RYR3: variants seen among roughly 807,000 people sequenced by gnomAD.
RYR3 encodes ryanodine receptor 3.
A neutral mutation model predicts 584.3 loss-of-function variants in RYR3; 207 were observed. The observed-to-expected ratio is 0.35, with a 90% CI of 0.32 to 0.40. The LOEUF (loss-of-function observed/expected upper bound fraction) is 0.40, where lower values mean the gene tolerates loss of function less well. Among genes scored for constraint, RYR3 ranks in the 10% least tolerant of loss-of-function variants. The pLI is 1.00. For missense variants in RYR3, 5,616 were observed against 6,089.2 expected, an observed-to-expected ratio of 0.92 and a Z score of 2.59; for synonymous variants, 2,416 against 2,248.5, an observed-to-expected ratio of 1.07 and a Z score of -2.11.
chr15:33,723,284 G>T (rs1334660702), intron 44 of RYR3, among the ~76,000 whole-genome samples: 2 of 152,176 alleles, frequency 1.3e-5, no homozygotes. Context: ...TGTAAAAACA[G>T]ATAGTGCCTC....
chr15:33,688,401 G>T (rs11072608), intron 38 of RYR3, among the ~76,000 whole-genome samples: 1 of 151,336 alleles, frequency 6.6e-6, no homozygotes, highest in Non-Finnish European at 1.5e-5. Context: ...GTGAAACCCC[G>T]TCTCTACTAA....
intron 43 of RYR3, among the ~76,000 whole-genome samples, chr15:33,715,543 G>GT (rs770642825): frequency 6.6e-6 from 1 of 152,166 alleles, no homozygotes; most frequent in Non-Finnish European, 1.5e-5. Context: ...TTACACCTTT[G>GT]TACTAACTGT....
intron 38 of RYR3, among the ~76,000 whole-genome samples, chr15:33,676,583 A>G (rs181946899): frequency 1.3e-5 from 2 of 152,352 alleles, no homozygotes; most frequent in Admixed American, 1.3e-4. Flanking sequence ...GGACATGCAG[A>G]TGGGGTCAGT....
At position 33,327,667 on chromosome 15, in the gene RYR3, T is replaced by G. The variant is rs148471248; in HGVS notation, c.51+16571T>G. 3.3e-5 allele frequency among the ~76,000 whole-genome samples: 5 copies of G among 152,344 alleles called. No individual in the cohort carries two copies. The East Asian group carries it at 9.6e-4, about 29-fold the overall frequency. ...GAAAATCTCCTTTTCTCCACTAGAC[T>G]GAATAGCTCCCTGGAGGGGAAGTTG... On this transcript the variant is annotated intron_variant, in intron 1 of 103. Transcript: ENST00000634891.
chr15:33,337,118 G>A (rs1971215971), intron 1 of RYR3, among the ~76,000 whole-genome samples: 1 of 128,788 alleles, frequency 7.8e-6, no homozygotes, highest in African/African-American at 2.9e-5. Context: ...TAAAAAAAGA[G>A]AAGGCATGAG....
intron 38 of RYR3, among the ~76,000 whole-genome samples, chr15:33,690,045 G>A (rs1436432275): frequency 2.0e-5 from 3 of 152,204 alleles, no homozygotes; most frequent in Non-Finnish European, 4.4e-5. Flanking sequence ...ATTGGTGTAC[G>A]TCCTGAGTCC....
chr15:33,546,074 C>T (rs1465767634), intron 8 of RYR3, among the ~76,000 whole-genome samples: 3 of 152,200 alleles, frequency 2.0e-5, no homozygotes, highest in Non-Finnish European at 4.4e-5. Flanking sequence ...ATACTCCTCT[C>T]CTTGGAATTG....
intron 51 of RYR3, among the ~76,000 whole-genome samples, chr15:33,741,018 G>A (rs1475167813): frequency 1.3e-5 from 2 of 152,256 alleles, no homozygotes; most frequent in African/African-American, 4.8e-5. Flanking sequence ...AAAGGGAACA[G>A]TGCTAAAGAA....
intron 1 of RYR3, among the ~76,000 whole-genome samples, chr15:33,432,697 T>TGTGTGTGTGTG (rs1555469372): frequency 1.2e-4 from 18 of 148,980 alleles, no homozygotes; most frequent in African/African-American, 2.0e-4. Context: ...TGTGTGTGTG[T>TGTGTGTGTGTG]TTAAAGTAGA....
At chr15:33,612,518 A>G (rs1416815066) in intron 18 of RYR3, among the ~76,000 whole-genome samples, 2 of 151,630 alleles carry the variant, frequency 1.3e-5, no homozygotes, top group Non-Finnish European at 2.9e-5. Flanking sequence ...GCGCCACCAC[A>G]CCCGGCTACT....
intron 1 of RYR3, among the ~76,000 whole-genome samples, chr15:33,468,131 A>G (rs2048636432): frequency 6.6e-6 from 1 of 152,208 alleles, no homozygotes; most frequent in East Asian, 1.9e-4. Flanking sequence ...GCTGTGTGGC[A>G]CTGGGCAAGT....
intron 19 of RYR3, among the ~76,000 whole-genome samples, chr15:33,618,696 G>A (rs1345321251): frequency 6.6e-6 from 1 of 152,172 alleles, no homozygotes; most frequent in Non-Finnish European, 1.5e-5. Flanking sequence ...GGAGGAATTC[G>A]ATAGCAGATA....
At chr15:33,612,137 A>G (rs1453317165) in intron 18 of RYR3, among the ~76,000 whole-genome samples, 1 of 152,198 alleles carries the variant, frequency 6.6e-6, no homozygotes, top group Non-Finnish European at 1.5e-5. Context: ...GGTGGTTATA[A>G]TTATTAATAT....
At chr15:33,674,912 GAAA>G (rs10580400) in intron 38 of RYR3, among the ~76,000 whole-genome samples, 51,747 of 137,282 alleles carry the variant, frequency 0.38, 9,942 homozygotes, top group Non-Finnish European at 0.47. Context: ...GGTCAGAATG[GAAA>G]AAAAAAAAAA....
At chr15:33,818,096 T>C (rs1596779761) in intron 75 of RYR3, among the ~76,000 whole-genome samples, 2 of 152,294 alleles carry the variant, frequency 1.3e-5, no homozygotes, top group East Asian at 1.9e-4. Context: ...GAATCTAGAA[T>C]AGTATTAGAC....
intron 2 of RYR3, among the ~76,000 whole-genome samples, chr15:33,481,550 A>C (rs2049967454): frequency 6.6e-6 from 1 of 151,928 alleles, no homozygotes. Context: ...ATGCAATCTC[A>C]GCTCACTGCA....
chr15:33,843,652 GA>G (rs1425214539), intron 92 of RYR3, 78 bp downstream of exon 92: 4 of 1,016,480 alleles, frequency 3.9e-6, no homozygotes, highest in Non-Finnish European at 5.9e-6. Flanking sequence ...AATCATGACA[GA>G]ATTTGTGCTC....
At chr15:33,606,675 C>T (rs557415378) in intron 18 of RYR3, among the ~76,000 whole-genome samples, 6 of 152,230 alleles carry the variant, frequency 3.9e-5, no homozygotes, top group South Asian at 2.1e-4. Context: ...GGCTCTTTTT[C>T]GTGATGGTCT....
At chr15:33,634,030 G>A (rs2061387791) in intron 24 of RYR3, among the ~76,000 whole-genome samples, 1 of 152,098 alleles carries the variant, frequency 6.6e-6, no homozygotes, top group South Asian at 2.1e-4. Context: ...ACAGACTGGT[G>A]TTATTTAAAG....
Sources: allele counts gnomAD v4.1 joint callset (sites outside exome capture counted in the v4.1 genomes callset), GRCh38; gene constraint gnomAD v4.1.1; transcripts MANE v1.5; gene names NCBI Gene and HGNC (gene_info 2026-07-23, HGNC 2026-07-21).